The following RBFOX2 variants were observed in gnomAD, a reference collection of about 807,000 sequenced individuals.
RBFOX2 encodes the protein RNA binding fox-1 homolog 2.
A neutral mutation model predicts 49.1 loss-of-function variants in RBFOX2; 10 were observed. The ratio of observed to expected loss-of-function variants is 0.20; its 90% CI spans 0.13 to 0.35. The LOEUF (loss-of-function observed/expected upper bound fraction) is 0.35. Among genes scored for constraint, RBFOX2 ranks in the 10% least tolerant of loss-of-function variants. The probability of loss-of-function intolerance (pLI) is 1.00; values close to 1 mark genes in which losing one functional copy is unlikely to be tolerated. For synonymous variants in RBFOX2, 183 were observed against 187.4 expected, an observed-to-expected ratio of 0.98 and a Z score of 0.19; for missense variants, 323 against 486.9, an observed-to-expected ratio of 0.66 and a Z score of 3.17.
intron 1 of RBFOX2, among the ~76,000 whole-genome samples, chr22:35,936,458 G>A (rs187045391): frequency 3.9e-4 from 59 of 152,208 alleles, no homozygotes; most frequent in Admixed American, 1.1e-3. Context: ...CACAAGGTTA[G>A]GCGCATTAAT....
At chr22:35,881,553 G>C (rs2045897695) in intron 1 of RBFOX2, among the ~76,000 whole-genome samples, 1 of 151,358 alleles carries the variant, frequency 6.6e-6, no homozygotes, top group Non-Finnish European at 1.5e-5. Context: ...CTGCACTCCA[G>C]CCTGGGCAAC....
intron 9 of RBFOX2, among the ~76,000 whole-genome samples, chr22:35,756,680 A>G (rs558875041): frequency 6.6e-6 from 1 of 152,282 alleles, no homozygotes; most frequent in Non-Finnish European, 1.5e-5. Context: ...AATAATATGT[A>G]AATGTTTTTC....
intron 1 of RBFOX2, among the ~76,000 whole-genome samples, chr22:35,930,017 C>CTTTTT (rs58976136): frequency 5.8e-5 from 7 of 121,322 alleles, no homozygotes; most frequent in African/African-American, 7.0e-5. Context: ...CTTAATAGAA[C>CTTTTT]TTTTTTTTTT....
At chr22:35,883,620 T>C (rs1226443494) in intron 1 of RBFOX2, among the ~76,000 whole-genome samples, 1 of 152,224 alleles carries the variant, frequency 6.6e-6, no homozygotes, top group Admixed American at 6.5e-5. Flanking sequence ...TTTTTAACAG[T>C]GCTTCCCTCA....
At chr22:35,762,390 T>C in intron 6 of RBFOX2, among the ~76,000 whole-genome samples, 1 of 152,188 alleles carries the variant, frequency 6.6e-6, no homozygotes, top group East Asian at 1.9e-4. Flanking sequence ...GCAAAAATAC[T>C]CTATATTATA....
At chr22:35,881,091 C>T (rs149350226) in intron 1 of RBFOX2, among the ~76,000 whole-genome samples, 1,610 of 151,082 alleles carry the variant, frequency 0.011, 25 homozygotes, top group African/African-American at 0.038. Flanking sequence ...GGTGAAACCC[C>T]GTCTCTACTA....
chr22:36,026,541 T>TACACACACACACACAC (rs3075271), intron 1 of RBFOX2, among the ~76,000 whole-genome samples: 21 of 136,558 alleles, frequency 1.5e-4, no homozygotes, highest in African/African-American at 5.6e-4. Flanking sequence ...AATGAATACA[T>TACACACACACACACAC]ACACACACAC....
At chr22:35,968,899 C>T (rs1009293165) in intron 1 of RBFOX2, among the ~76,000 whole-genome samples, 1 of 152,236 alleles carries the variant, frequency 6.6e-6, no homozygotes, top group African/African-American at 2.4e-5. Flanking sequence ...TCAATTCCTA[C>T]GATTTTCCTC....
intron 2 of RBFOX2, among the ~76,000 whole-genome samples, chr22:35,790,578 A>G (rs180710725): frequency 6.8e-4 from 104 of 152,332 alleles, no homozygotes; most frequent in Non-Finnish European, 1.3e-3. Context: ...TAATAGCACT[A>G]TATCAGTATT....
chr22:35,963,946 A>T (rs2056410743), upstream of RBFOX2, among the ~76,000 whole-genome samples: 1 of 152,146 alleles, frequency 6.6e-6, no homozygotes, highest in East Asian at 1.9e-4. Context: ...GGGTTACACC[A>T]TATTGGCCAG....
intron 1 of RBFOX2, among the ~76,000 whole-genome samples, chr22:35,911,016 A>G (rs1331876135): frequency 6.6e-6 from 1 of 152,212 alleles, no homozygotes; most frequent in African/African-American, 2.4e-5. Context: ...ATGGAAAGCT[A>G]TAACCATGAC....
At chr22:35,857,353 A>G (rs1190214374) in intron 1 of RBFOX2, among the ~76,000 whole-genome samples, 6 of 152,240 alleles carry the variant, frequency 3.9e-5, no homozygotes, top group African/African-American at 2.4e-5. Flanking sequence ...TGCAAAAAAT[A>G]CATATTAGCA....
At chr22:35,929,774 C>T (rs1041217824) in intron 1 of RBFOX2, among the ~76,000 whole-genome samples, 2 of 152,000 alleles carry the variant, frequency 1.3e-5, no homozygotes, top group African/African-American at 2.4e-5. Context: ...CATGAGCTAC[C>T]GTGTCCAGCA....
intron 2 of RBFOX2, among the ~76,000 whole-genome samples, chr22:35,799,443 T>C (rs1949368854): frequency 6.6e-6 from 1 of 152,156 alleles, no homozygotes; most frequent in African/African-American, 2.4e-5. Context: ...TAGCCCAAGG[T>C]TAAAATCGAT....
chr22:35,811,541 A>T (rs1198130601), intron 1 of RBFOX2, among the ~76,000 whole-genome samples: 2 of 152,232 alleles, frequency 1.3e-5, no homozygotes, highest in East Asian at 3.8e-4. Flanking sequence ...CAGAATGGTA[A>T]GAAAATACAT....
intron 11 of RBFOX2, 37 bp from the exon 14 acceptor site, chr22:35,744,286 T>G (rs761318567): frequency 8.3e-6 from 13 of 1,575,204 alleles, no homozygotes; most frequent in African/African-American, 2.7e-5. Flanking sequence ...ATTAAAAGGT[T>G]GATGAGAGAA....
intron 1 of RBFOX2, among the ~76,000 whole-genome samples, chr22:35,936,762 C>T (rs2053122303): frequency 6.6e-6 from 1 of 152,132 alleles, no homozygotes; most frequent in Non-Finnish European, 1.5e-5. Flanking sequence ...AAAGTAGGTA[C>T]AATCAAAGAG....
chr22:35,992,793 T>C (rs1004174028), intron 1 of RBFOX2: 1 of 152,166 alleles, frequency 6.6e-6, no homozygotes, highest in Non-Finnish European at 1.5e-5. Context: ...TGAAGGTTAG[T>C]AAGGATGAAC....
At chr22:35,936,687 G>T (rs7290730) in intron 1 of RBFOX2, among the ~76,000 whole-genome samples, 1 of 152,200 alleles carries the variant, frequency 6.6e-6, no homozygotes, top group Non-Finnish European at 1.5e-5. Context: ...CAGGCCTGCA[G>T]CAGAGACAGC....
Sources: gnomAD v4.1 joint callset for allele counts (sites outside exome capture counted in the v4.1 genomes callset) on GRCh38, gnomAD v4.1.1 for gene constraint, MANE v1.5 for transcripts, NCBI Gene and HGNC (gene_info 2026-07-23, HGNC 2026-07-21) for gene names.